COL18A1: variants seen among roughly 807,000 people sequenced by gnomAD.
The protein encoded by COL18A1 is collagen alpha-1(XVIII) chain.
A neutral mutation model predicts 168.0 loss-of-function variants in COL18A1; 133 were observed. The observed-to-expected ratio is 0.79, with a 90% CI of 0.69 to 0.91. COL18A1 has a LOEUF of 0.91. COL18A1 is among the 40% of genes least tolerant of loss of function. The pLI is 0.00. For synonymous variants in COL18A1, 949 were observed against 809.0 expected, an observed-to-expected ratio of 1.17 and a Z score of -2.94; for missense variants, 2,126 against 1,925.4, an observed-to-expected ratio of 1.10 and a Z score of -1.95.
intron 2 of COL18A1, chr21:45,422,549 G>A (rs1394056944): frequency 3.9e-6 from 2 of 513,966 alleles, no homozygotes; most frequent in African/African-American, 1.9e-5. Flanking sequence ...GACCCGGGCA[G>A]GGCAGCAAAA....
intron 3 of COL18A1, 43 bp downstream of exon 3, chr21:45,468,829 G>A: frequency 2.9e-6 from 2 of 679,836 alleles, no homozygotes; most frequent in Non-Finnish European, 4.8e-6. Context: ...GAGCAGCTGG[G>A]ATGGGGTGGG....
chr21:45,503,942 G>A (rs1033345265), intron 32 of COL18A1, 69 bp from the exon 33 acceptor site: 3 of 1,576,982 alleles, frequency 1.9e-6, no homozygotes, highest in Non-Finnish European at 2.6e-6. Context: ...CCAGTGCTGG[G>A]GGCTGCAGAG....
intron 2 of COL18A1, among the ~76,000 whole-genome samples, chr21:45,453,167 ATGTG>A (rs369389501): frequency 6.6e-5 from 10 of 151,206 alleles, no homozygotes; most frequent in Admixed American, 1.3e-4. Flanking sequence ...GTGAGCATGT[ATGTG>A]TGTGTGATTG....
intron 32 of COL18A1, among the ~76,000 whole-genome samples, chr21:45,501,658 C>G (rs1159753602): frequency 1.3e-5 from 2 of 150,532 alleles, no homozygotes; most frequent in Middle Eastern, 6.8e-3. Flanking sequence ...GGGGCCTCCA[C>G]AGCCGGTCAC....
chr21:45,506,766 T>TA (rs768057615), intron 37 of COL18A1: 1 of 33,818 alleles, frequency 3.0e-5, no homozygotes, highest in African/African-American at 1.4e-4. Flanking sequence ...ACCTTCCCTC[T>TA]GGAACCCTCC....
In COL18A1 at chr21:45,476,413, A is replaced by G. The variant is rs1429208025; in HGVS notation, c.861A>G (p.Gly287=). The G allele has an allele frequency of 6.2e-7, 1 of 1,614,148 alleles. No homozygotes were observed. ...CCGTCACCACGCCACCCTTGGCTGG[A>G]GGCAGCAGCACGGAAGATTCCAGAA... ...PPPVTTPPLA[G]GSSTEDSRSE... is the part of the protein sequence containing the mutation. The change falls in exon 6 of 42, where the codon GGA becomes GGG. Residue 287 remains glycine (G), a synonymous_variant. Transcript: ENST00000651438.
chr21:45,495,848 C>G (rs1358159279), intron 29 of COL18A1: 1 of 324,194 alleles, frequency 3.1e-6, no homozygotes, highest in African/African-American at 2.1e-5. Flanking sequence ...TATATACATA[C>G]ACTCATACAT....
intron 2 of COL18A1, chr21:45,422,472 A>G (rs1387635689): frequency 5.7e-6 from 3 of 530,908 alleles, no homozygotes; most frequent in Non-Finnish European, 1.2e-5. Context: ...GACAGAATAG[A>G]TGGCAGAAGC....
chr21:45,452,354 GAC>G (rs1413249123), intron 2 of COL18A1, among the ~76,000 whole-genome samples: 1 of 149,006 alleles, frequency 6.7e-6, no homozygotes, highest in African/African-American at 2.5e-5. Flanking sequence ...TGCACTCTGT[GAC>G]ATGTGTAAGC....
intron 2 of COL18A1, chr21:45,419,591 C>T (rs1199356917): frequency 6.6e-6 from 1 of 152,194 alleles, no homozygotes; most frequent in Non-Finnish European, 1.5e-5. Context: ...GCAGATTTAT[C>T]AGGCGTTTTG....
intron 26 of COL18A1, chr21:45,494,183 A>C: frequency 2.2e-6 from 1 of 452,356 alleles, no homozygotes; most frequent in Non-Finnish European, 4.1e-6. Context: ...GAGCTCCACT[A>C]TCCCACCCAG....
Position 45,505,281 on chromosome 21 carries a change from A to G in COL18A1, c.3013+3A>G, listed in dbSNP as rs770631950. The G allele has an allele frequency of 5.6e-6, 9 of 1,607,470 alleles. No individual in the cohort carries two copies. The African/African-American group carries it at 9.4e-5, about 17-fold the overall frequency. On this transcript the variant is annotated splice_donor_region_variant and intron_variant, in intron 35 of 41. Coordinates refer to ENST00000651438, the MANE Select transcript of COL18A1 (RefSeq NM_001379500.1). Reference sequence around the variant, plus strand: ...ATTTCCTGGCCCTCACAGGCAGAGTAAGTCAGTGGGGAGTGGGCCCCGGGC... The same window carrying G: ...ATTTCCTGGCCCTCACAGGCAGAGTGAGTCAGTGGGGAGTGGGCCCCGGGC...
Position 45,496,551 on chromosome 21 carries a change from C to G in COL18A1, c.2560C>G (p.Pro854Ala), listed in dbSNP as rs1390419616. 1.1e-5 allele frequency: 17 copies of G among 1,512,362 alleles called. No homozygotes were observed. The highest frequency in any genetic ancestry group is 1.6e-5 in the Non-Finnish European group (17 of 1,088,162). 93.7% of individuals were successfully genotyped at this position (1,512,362 alleles called of 1,614,324 possible). Residue 854 changes from proline to alanine, a missense_variant, in exon 30 of 42, where the codon CCT (proline) becomes GCT (alanine). By Grantham distance (27) the Pro-to-Ala change is conservative. Coordinates refer to ENST00000651438, the MANE Select transcript of COL18A1 (RefSeq NM_001379500.1). ...PPGPPGPPGT[P>A]VYDSNVFAES... ...AGGGCCCCCAGGCCCTCCAGGGACT[C>G]CTGTTTACGACAGCAATGTAAGTCC...
At chr21:45,449,716 G>A (rs1298247254) in intron 2 of COL18A1, among the ~76,000 whole-genome samples, 1 of 152,154 alleles carries the variant, frequency 6.6e-6, no homozygotes, top group East Asian at 1.9e-4. Flanking sequence ...CAGGGACCTG[G>A]ACCCAGGCCT....
chr21:45,405,861 G>A (rs1004697485), intron 2 of COL18A1, among the ~76,000 whole-genome samples: 2 of 151,828 alleles, frequency 1.3e-5, no homozygotes, highest in Non-Finnish European at 2.9e-5. Context: ...ACTGACCGCG[G>A]GCGGAAGGCG....
intron 29 of COL18A1, 65 bp downstream of exon 29, chr21:45,495,497 C>T (rs1178866674): frequency 7.1e-7 from 1 of 1,401,132 alleles, no homozygotes; most frequent in Non-Finnish European, 9.9e-7. Flanking sequence ...GGCCTGGCCA[C>T]AGCCTGGGGT....
rs924094273 is a variant in COL18A1, at chr21:45,475,607, C to T, written c.798+72C>T. The T allele has an allele frequency of 1.6e-5, 21 of 1,293,182 alleles. No homozygotes were observed. In the Admixed American group the frequency reaches 1.7e-4, roughly 11 times the overall value. The allele number at this position is 1,293,182 out of a possible 1,614,324, so 80.1% of individuals were successfully genotyped here. A position where few individuals can be genotyped will look rare whatever the true frequency, so the allele number is the denominator to read the frequency against. On this transcript the variant is annotated intron_variant, in intron 5 of 41. Transcript: ENST00000651438. ...AGCCCCTCCCAGCAGTGGGGTGACA[C>T]ATGTGCACACGCAGGTGTGGCTCCA...
intron 2 of COL18A1, among the ~76,000 whole-genome samples, chr21:45,411,782 T>TGGGGGG (rs2033305093): frequency 1.7e-5 from 2 of 116,674 alleles, no homozygotes; most frequent in East Asian, 5.0e-4. Flanking sequence ...GGGGGCAGGC[T>TGGGGGG]GTGGTCAGGG....
intron 32 of COL18A1, among the ~76,000 whole-genome samples, chr21:45,501,420 G>A (rs191200911): frequency 4.6e-5 from 7 of 152,224 alleles, no homozygotes; most frequent in Non-Finnish European, 1.5e-5. Flanking sequence ...AGGGGCCCAG[G>A]CTGGGCTGAA....
Sources: allele counts gnomAD v4.1 joint callset (sites outside exome capture counted in the v4.1 genomes callset), GRCh38; gene constraint gnomAD v4.1.1; transcripts MANE v1.5; gene names NCBI Gene and HGNC (gene_info 2026-07-23, HGNC 2026-07-21).